The following WDR43 variants were observed in gnomAD, a reference collection of about 807,000 sequenced individuals.
The protein encoded by WDR43 is WD repeat domain 43.
A neutral mutation model predicts 91.4 loss-of-function variants in WDR43; 13 were observed. That is an observed-to-expected ratio of 0.14 (90% confidence interval 0.09 to 0.23). WDR43 has a LOEUF of 0.23. Ranked by LOEUF, WDR43 falls within the 10% of genes least tolerant of loss-of-function variation. The pLI is 1.00. For missense variants in WDR43, 780 were observed against 809.4 expected (o/e 0.96, Z 0.44); for synonymous variants, 331 against 287.9 (o/e 1.15, Z -1.51).
At chr2:28,910,115 G>T (rs546923706) in intron 3 of WDR43, among the ~76,000 whole-genome samples, 1 of 152,294 alleles carries the variant, frequency 6.6e-6, no homozygotes, top group South Asian at 2.1e-4. Context: ...TAGAGCTTGA[G>T]AGTGCATAAT....
chr2:28,917,986 CAAA>C lies in WDR43; in HGVS notation c.841_843del (p.Lys281del), dbSNP rs1474551148. 1.9e-6 allele frequency: 3 copies of C among 1,573,724 alleles called. No individual in the cohort carries two copies. Among genetic ancestry groups the C allele is most frequent in the Non-Finnish European group, 2.6e-6 (3 of 1,158,960 alleles). On this transcript the variant is annotated inframe_deletion, in exon 6 of 18. Transcript: ENST00000407426. ...ATATTGACTTAACTTTGTCAGAAAA[CAAA>C]GAAGAGGTAAATGGCTCGATTTTTG...
chr2:28,925,543 A>G (rs183005617), intron 8 of WDR43, among the ~76,000 whole-genome samples: 31 of 152,334 alleles, frequency 2.0e-4, no homozygotes, highest in Non-Finnish European at 5.9e-5. Flanking sequence ...AGTTACGAAG[A>G]TATGAATCTT....
intron 6 of WDR43, among the ~76,000 whole-genome samples, chr2:28,921,866 A>G (rs1489137338): frequency 2.0e-5 from 3 of 152,214 alleles, no homozygotes; most frequent in Middle Eastern, 3.4e-3. Flanking sequence ...TGTGCCCACC[A>G]TACTCTGCTA....
At chr2:28,930,240 G>T in intron 11 of WDR43, 1 of 369,890 alleles carries the variant, frequency 2.7e-6, no homozygotes, top group South Asian at 2.1e-5. Context: ...TATAAAGGGA[G>T]GCATTTATGA....
chr2:28,903,471 C>T (rs530858134), intron 2 of WDR43, among the ~76,000 whole-genome samples: 23 of 152,212 alleles, frequency 1.5e-4, no homozygotes, highest in Middle Eastern at 6.8e-3. Flanking sequence ...ACAGCAACAA[C>T]GACAACAAAG....
intron 3 of WDR43, 86 bp downstream of exon 3, chr2:28,906,667 A>G (rs2148180945): frequency 7.0e-7 from 1 of 1,432,982 alleles, no homozygotes; most frequent in East Asian, 2.6e-5. Context: ...ATAAGGTTAT[A>G]GGTTCCATTT....
chr2:28,936,027 T>C (rs575027988), intron 12 of WDR43, among the ~76,000 whole-genome samples: 3 of 152,306 alleles, frequency 2.0e-5, no homozygotes, highest in South Asian at 2.1e-4. Context: ...TTTATATGTA[T>C]TGATTTTCTT....
chr2:28,937,499 T>C lies in WDR43; in HGVS notation c.1557-432T>C, dbSNP rs1671357282. Among the ~76,000 whole-genome samples, 4 of 152,148 alleles carry C rather than the reference T, an allele frequency of 2.6e-5. No homozygotes were observed. In the South Asian group the frequency reaches 8.3e-4, roughly 32 times the overall value. On this transcript the variant is annotated intron_variant, in intron 13 of 17. Transcript: ENST00000407426. ...CTAAATAATTCATTAATTATGACTT[T>C]TTTGCACATTTTTGGTCTATATTTG...
rs550726171 is a variant in WDR43, at chr2:28,925,518, T to C, written c.1086+365T>C. ...AGTTGGTCAGTACAGGTATGACTTA[T>C]GTTGAATTTTGCCTAGTTACGAAGA... On this transcript the variant is annotated intron_variant, in intron 8 of 17. Transcript: ENST00000407426. Among the ~76,000 whole-genome samples the C allele has an allele frequency of 1.1e-4, 17 of 152,338 alleles. No individual in the cohort carries two copies. The Middle Eastern group carries it at 0.02, about 183-fold the overall frequency.
rs1351396100 is a variant in WDR43 at position 28,942,318 on chromosome 2, G to A, written c.1741G>A (p.Ala581Thr). 14 of 1,613,136 alleles carry A rather than the reference G, an allele frequency of 8.7e-6. No homozygotes were observed. Among genetic ancestry groups the A allele is most frequent in the Non-Finnish European group, 1.1e-5 (13 of 1,179,542 alleles). The part of the protein sequence containing the change: ...KLILLITQVT[A>T]SEKTKGATSP... ...GTACTTTATCTTCTTCCAGGTAACAGCATCAGAGAAGACAAAGGGAGCAAC... is the reference window on the plus strand; with the variant it reads ...GTACTTTATCTTCTTCCAGGTAACAACATCAGAGAAGACAAAGGGAGCAAC... The change falls in exon 16 of 18, where the codon GCA becomes ACA. Residue 581 changes from alanine (A) to threonine (T), a missense_variant. Physicochemically the swap from Ala to Thr is moderately conservative, Grantham distance 58 (BLOSUM62 0). Transcript: ENST00000407426.
At chr2:28,915,908 G>T (rs1292147382) in intron 5 of WDR43, among the ~76,000 whole-genome samples, 1 of 152,134 alleles carries the variant, frequency 6.6e-6, no homozygotes. Flanking sequence ...TAATTTATCA[G>T]ATCAACTCTT....
chr2:28,902,262 T>A, intron 2 of WDR43, 138 bp downstream of exon 2: 1 of 832,240 alleles, frequency 1.2e-6, no homozygotes, highest in South Asian at 3.1e-5. Context: ...TACGTTTAAA[T>A]AACTGAATAG....
intron 8 of WDR43, among the ~76,000 whole-genome samples, chr2:28,925,892 A>G (rs1484747477): frequency 6.6e-6 from 1 of 152,052 alleles, no homozygotes; most frequent in Non-Finnish European, 1.5e-5. Context: ...ATTGTTGACT[A>G]TTTTTTTGCA....
At position 28,941,563 on chromosome 2, in the gene WDR43, C is replaced by T. The variant is rs1465416143; in HGVS notation, c.1723C>T (p.Leu575=). 3.1e-6 allele frequency: 5 copies of T among 1,609,794 alleles called. No individual in the cohort carries two copies. Among genetic ancestry groups the T allele is most frequent in the Non-Finnish European group, 4.2e-6 (5 of 1,177,424 alleles). ...LSHLHGKLIL[L]ITQVTASEKT... ...ACACCTTCATGGAAAGCTTATTCTT[C>T]TAATTACACAAGTGAGTAAATCATA... Residue 575 remains leucine, a synonymous_variant, in exon 15 of 18, where the codon CTA becomes TTA. Coordinates refer to ENST00000407426, the MANE Select transcript of WDR43 (RefSeq NM_015131.3).
At chr2:28,940,239 T>G (rs1468152641) in intron 14 of WDR43, among the ~76,000 whole-genome samples, 1 of 151,810 alleles carries the variant, frequency 6.6e-6, no homozygotes, top group East Asian at 1.9e-4. Flanking sequence ...TTTCTTTTTT[T>G]TTTTCTTGAG....
rs958449115 is a variant in WDR43, at chr2:28,929,511, T to A, written c.1306-68T>A. 1.4e-5 allele frequency: 18 copies of A among 1,263,882 alleles called. No homozygotes were observed. In the South Asian group the frequency reaches 1.5e-4, roughly 11 times the overall value. The allele number at this position is 1,263,882 out of a possible 1,614,324, so 78.3% of individuals were successfully genotyped here. A position where few individuals can be genotyped will look rare whatever the true frequency, so the allele number is the denominator to read the frequency against. On this transcript the variant is annotated intron_variant, in intron 10 of 17. Coordinates refer to ENST00000407426, the MANE Select transcript of WDR43 (RefSeq NM_015131.3). ...ATCTATTTTATTTTATTTTATTTTA[T>A]TTTTTTTGTCTCCAAACTACTTTAA... is the stretch of plus-strand genomic sequence containing the variant.
At chr2:28,927,836 T>G in intron 10 of WDR43, 136 bp downstream of exon 10, 1 of 1,154,172 alleles carries the variant, frequency 8.7e-7, no homozygotes, top group Middle Eastern at 2.4e-4. Flanking sequence ...CTCTCTTTTA[T>G]CTTCACCATC....
chr2:28,944,865 G>A (rs1446281904), intron 16 of WDR43, among the ~76,000 whole-genome samples: 4 of 152,212 alleles, frequency 2.6e-5, no homozygotes, highest in African/African-American at 4.8e-5. Flanking sequence ...CCGGCCAGGC[G>A]GAGCCAGATA....
intron 11 of WDR43, among the ~76,000 whole-genome samples, chr2:28,932,434 A>G (rs1043534886): frequency 6.6e-6 from 1 of 152,216 alleles, no homozygotes; most frequent in African/African-American, 2.4e-5. Context: ...GAATGCTGGG[A>G]TTACAGGCGT....
Sources: allele counts gnomAD v4.1 joint callset (sites outside exome capture counted in the v4.1 genomes callset), GRCh38; gene constraint gnomAD v4.1.1; transcripts MANE v1.5; gene names NCBI Gene and HGNC (gene_info 2026-07-23, HGNC 2026-07-21).